Variants in PGS1 observed in about 807,000 individuals in gnomAD.
PGS1 encodes CDP-diacylglycerol--glycerol-3-phosphate 3-phosphatidyltransferase, mitochondrial.
Under a neutral mutation model 58.3 loss-of-function variants are expected in PGS1, and 44 were observed. That is an observed-to-expected ratio of 0.75 (90% CI 0.59 to 0.97). The LOEUF is 0.97. Ranked by LOEUF, PGS1 falls within the 50% of genes least tolerant of loss-of-function variation. The probability of loss-of-function intolerance (pLI) is 0.00; values close to 1 mark genes in which losing one functional copy is unlikely to be tolerated. For synonymous variants in PGS1, 330 were observed against 311.0 expected (o/e 1.06, Z -0.64); for missense variants, 684 against 731.1 (o/e 0.94, Z 0.74).
intron 7 of PGS1, among the ~76,000 whole-genome samples, chr17:78,411,375 G>A (rs142119528): frequency 1.6e-4 from 24 of 152,312 alleles, no homozygotes; most frequent in Non-Finnish European, 2.5e-4. Context: ...AGGGGCAGGC[G>A]TCCTTTCTGA....
At chr17:78,397,394 G>GAGAC (rs1407880680) in intron 3 of PGS1, among the ~76,000 whole-genome samples, 1 of 96,876 alleles carries the variant, frequency 1.0e-5, no homozygotes. Context: ...GAGGTGCAGT[G>GAGAC]GGTTCACACC....
At chr17:78,420,121 G>A in intron 9 of PGS1, 1 of 1,036,020 alleles carries the variant, frequency 9.7e-7, no homozygotes, top group Non-Finnish European at 1.2e-6. Flanking sequence ...TGCTGCCCTG[G>A]CCGGCTGTAG....
In PGS1 at chr17:78,403,793, C is replaced by T. The variant is rs774659363; in HGVS notation, c.1106C>T (p.Thr369Ile). 4.3e-6 allele frequency: 7 copies of T among 1,614,118 alleles called. No homozygotes were observed. In the East Asian group the frequency reaches 1.1e-4, roughly 26 times the overall value. Residue 369 changes from threonine to isoleucine, a missense_variant, in exon 7 of 10, where the codon ACT becomes ATT. Physicochemically the swap from Thr to Ile is moderately conservative, Grantham distance 89 (BLOSUM62 -1). Transcript: ENST00000262764. Reference sequence around the variant, plus strand: ...GAGATTCAAATCGATGAGATTGTCACTGAGACCCTGTTGACTGAGGCGGAG... The same window carrying T: ...GAGATTCAAATCGATGAGATTGTCATTGAGACCCTGTTGACTGAGGCGGAG... Reference protein sequence around the residue: ...PFEIQIDEIVTETLLTEAERG... With the variant: ...PFEIQIDEIVIETLLTEAERG...
intron 3 of PGS1, among the ~76,000 whole-genome samples, chr17:78,396,703 C>T (rs1303221603): frequency 6.6e-6 from 1 of 152,242 alleles, no homozygotes; most frequent in African/African-American, 2.4e-5. Context: ...GGCCTGCCAC[C>T]TGTTATGGTG....
chr17:78,408,199 A>G (rs77483524), intron 7 of PGS1, among the ~76,000 whole-genome samples: 12,690 of 152,318 alleles, frequency 0.083, 810 homozygotes, highest in East Asian at 0.31. Context: ...ATTTAAAGGC[A>G]TGCACTAGAG....
rs867805470 is a variant in PGS1, at chr17:78,406,179, G to A, written c.1402+2090G>A. Reference sequence around the variant, plus strand: ...AAAAAATACAAAAAATTAGCGGGGCGTGGTGGCGGGCGCCTGTAGTCCCAG... The same window carrying A: ...AAAAAATACAAAAAATTAGCGGGGCATGGTGGCGGGCGCCTGTAGTCCCAG... On this transcript the variant is annotated intron_variant, in intron 7 of 9. Coordinates refer to ENST00000262764, the MANE Select transcript of PGS1 (RefSeq NM_024419.5). Among the ~76,000 whole-genome samples, 13 of 152,244 alleles carry A rather than the reference G, an allele frequency of 8.5e-5. No homozygotes were observed. The South Asian group carries it at 1.7e-3, about 19-fold the overall frequency.
intron 5 of PGS1, chr17:78,399,806 T>G: frequency 1.9e-6 from 1 of 512,954 alleles, no homozygotes; most frequent in South Asian, 2.2e-5. Context: ...AGTGACCCTC[T>G]GTAGTATTTT....
chr17:78,387,056 C>A (rs757592495), intron 1 of PGS1, among the ~76,000 whole-genome samples: 3 of 152,096 alleles, frequency 2.0e-5, no homozygotes, highest in Admixed American at 6.6e-5. Flanking sequence ...CATCACGCAG[C>A]CTGGAGTGCA....
chr17:78,418,670 A>G (rs546331523), intron 8 of PGS1, among the ~76,000 whole-genome samples: 1 of 152,302 alleles, frequency 6.6e-6, no homozygotes, highest in East Asian at 1.9e-4. Flanking sequence ...CTTAGCGCAT[A>G]GTGATTTTCT....
At chr17:78,384,965 G>A (rs767122807) in intron 1 of PGS1, among the ~76,000 whole-genome samples, 4 of 152,268 alleles carry the variant, frequency 2.6e-5, no homozygotes, top group Non-Finnish European at 5.9e-5. Context: ...CGGGCGCCCG[G>A]TAGGGCCTCC....
intron 4 of PGS1, 112 bp downstream of exon 4, chr17:78,398,463 C>CG: frequency 1.3e-6 from 1 of 772,278 alleles, no homozygotes; most frequent in Middle Eastern, 3.6e-4. Flanking sequence ...ATTTGAAGAT[C>CG]ATCCAAGCTG....
intron 7 of PGS1, among the ~76,000 whole-genome samples, chr17:78,411,832 G>C (rs188901754): frequency 6.6e-6 from 1 of 151,732 alleles, no homozygotes; most frequent in Admixed American, 6.6e-5. Flanking sequence ...CTGGTGGTGC[G>C]GGTCTGACCG....
At position 78,403,916 on chromosome 17, in the gene PGS1, T is replaced by C; in HGVS notation, c.1229T>C (p.Leu410Pro). 1 of 1,614,202 alleles carries C rather than the reference T, an allele frequency of 6.2e-7. No individual in the cohort carries two copies. The highest frequency in any genetic ancestry group is 8.5e-7 in the Non-Finnish European group (1 of 1,180,006). ...ACTCGGGCTGAGTACCAGATCCTGC[T>C]GGCCTCACCAGAGGTGAATGGCTTC... ...LGTRAEYQIL[L>P]ASPEVNGFFG... The change falls in exon 7 of 10, where the codon CTG becomes CCG. Residue 410 changes from leucine (L) to proline (P), a missense_variant. Transcript: ENST00000262764.
chr17:78,419,558 C>T lies in PGS1; in HGVS notation c.1564C>T (p.Leu522Phe). 4 of 1,613,936 alleles carry T rather than the reference C, an allele frequency of 2.5e-6. No homozygotes were observed. The highest frequency in any genetic ancestry group is 3.4e-6 in the Non-Finnish European group (4 of 1,179,882). ...QQQLHQEQEQ[L>F]YLRSGVVSSA... is the part of the protein sequence containing the mutation. Reference sequence around the variant, plus strand: ...TCCTCTTCCTCAGGAGCAAGAGCAGCTCTACCTGAGGTCAGGTGTGGTGTC... The same window carrying T: ...TCCTCTTCCTCAGGAGCAAGAGCAGTTCTACCTGAGGTCAGGTGTGGTGTC... The change falls in exon 9 of 10, where the codon CTC (leucine) becomes TTC (phenylalanine). Residue 522 changes from leucine to phenylalanine, a missense_variant. By Grantham distance (22) the Leu-to-Phe change is conservative. Transcript: ENST00000262764.
intron 1 of PGS1, among the ~76,000 whole-genome samples, chr17:78,386,972 A>G (rs112325177): frequency 0.018 from 2,242 of 122,400 alleles, 53 homozygotes; most frequent in African/African-American, 0.063. Context: ...GATGATGATG[A>G]TGATGATGGT....
At position 78,424,155 on chromosome 17, in the gene PGS1, T is replaced by TG. The variant is rs1475813690; in HGVS notation, c.*106dup. Reference sequence around the variant, plus strand: ...CAGTCTGGGTGTCCCAGCGAGCCCCTGCAGGGACAGTATGGCTGAGGGTCA... The same window carrying TG: ...CAGTCTGGGTGTCCCAGCGAGCCCCTGGCAGGGACAGTATGGCTGAGGGTCA... On this transcript the variant is annotated 3_prime_UTR_variant, in exon 10 of 10. Coordinates refer to ENST00000262764, the MANE Select transcript of PGS1 (RefSeq NM_024419.5). 4 of 1,608,362 alleles carry TG rather than the reference T, an allele frequency of 2.5e-6. No homozygotes were observed. The highest frequency in any genetic ancestry group is 1.7e-4 in the Middle Eastern group (1 of 6,050).
At chr17:78,385,576 G>A in intron 1 of PGS1, among the ~76,000 whole-genome samples, 1 of 152,150 alleles carries the variant, frequency 6.6e-6, no homozygotes, top group East Asian at 1.9e-4. Context: ...GGCGTGAGCC[G>A]CTGTGCCTGG....
chr17:78,418,839 T>C (rs1047240074), intron 8 of PGS1, among the ~76,000 whole-genome samples: 13 of 152,156 alleles, frequency 8.5e-5, no homozygotes, highest in Non-Finnish European at 1.6e-4. Flanking sequence ...ATTGGCTTTG[T>C]GCCAATTTGA....
chr17:78,403,656 C>G lies in PGS1; in HGVS notation c.969C>G (p.Ala323=), dbSNP rs367938009. The G allele has an allele frequency of 3.7e-6, 6 of 1,614,026 alleles. No homozygotes were observed. Among genetic ancestry groups the G allele is most frequent in the Non-Finnish European group, 5.1e-6 (6 of 1,180,048 alleles). ...GGACCCGCCAGCAGATGCTGCATGC[C>G]CAGACCTTCCACAGCAACTCTCTTT... ...SARTRQQMLH[A]QTFHSNSLLT... is the part of the protein sequence containing the mutation. Residue 323 remains alanine, a synonymous_variant, in exon 7 of 10, where the codon GCC becomes GCG. Transcript: ENST00000262764.
Sources: gnomAD v4.1 joint callset for allele counts (sites outside exome capture counted in the v4.1 genomes callset) on GRCh38, gnomAD v4.1.1 for gene constraint, MANE v1.5 for transcripts, NCBI Gene and HGNC (gene_info 2026-07-23, HGNC 2026-07-21) for gene names.